Variants in PRKCE observed in about 807,000 individuals in gnomAD.
PRKCE encodes protein kinase C epsilon.
PRKCE carries 16 observed loss-of-function variants against 85.4 expected under a neutral mutation model. The observed-to-expected ratio is 0.19, with a 90% confidence interval of 0.13 to 0.28. PRKCE has a LOEUF of 0.28. Ranked by LOEUF, PRKCE falls within the 10% of genes least tolerant of loss-of-function variation. The pLI is 1.00. For missense variants in PRKCE, 573 were observed against 975.2 expected (o/e 0.59, Z 5.49); for synonymous variants, 388 against 371.5 (o/e 1.04, Z -0.51).
chr2:46,062,115 G>A (rs1160231235), intron 10 of PRKCE, among the ~76,000 whole-genome samples: 1 of 152,016 alleles, frequency 6.6e-6, no homozygotes, highest in Non-Finnish European at 1.5e-5. Flanking sequence ...ACCTGCTTCA[G>A]CCTCCCAAAG....
chr2:45,828,498 GA>G (rs1690140000), intron 1 of PRKCE, among the ~76,000 whole-genome samples: 1 of 152,224 alleles, frequency 6.6e-6, no homozygotes, highest in Non-Finnish European at 1.5e-5. Flanking sequence ...TTACCACTCA[GA>G]ATTGGTGATT....
At chr2:45,660,324 T>G (rs1233357019) in intron 1 of PRKCE, among the ~76,000 whole-genome samples, 1 of 152,190 alleles carries the variant, frequency 6.6e-6, no homozygotes, top group Non-Finnish European at 1.5e-5. Flanking sequence ...CCTGAAGATG[T>G]TCTTATGAGA....
intron 10 of PRKCE, among the ~76,000 whole-genome samples, chr2:46,042,944 T>C (rs1708299129): frequency 6.6e-6 from 1 of 152,218 alleles, no homozygotes; most frequent in African/African-American, 2.4e-5. Context: ...CATTGGCCTC[T>C]GTGTAGCTCC....
chr2:46,032,822 T>C (rs1707620909), intron 10 of PRKCE, among the ~76,000 whole-genome samples: 1 of 152,224 alleles, frequency 6.6e-6, no homozygotes, highest in African/African-American at 2.4e-5. Flanking sequence ...GGTGTGTGCT[T>C]TTGGGATATC....
chr2:45,762,262 A>T (rs1025481553), intron 1 of PRKCE, among the ~76,000 whole-genome samples: 31 of 152,274 alleles, frequency 2.0e-4, no homozygotes, highest in South Asian at 2.1e-4. Context: ...ATTCATTTCT[A>T]TTGGAAGAGA....
intron 1 of PRKCE, among the ~76,000 whole-genome samples, chr2:45,817,429 C>G (rs868050542): frequency 2.0e-5 from 3 of 152,220 alleles, no homozygotes; most frequent in Middle Eastern, 3.4e-3. Flanking sequence ...CGCGGTGGCT[C>G]ACGCTTGTAA....
chr2:45,698,849 A>C (rs1678372614), intron 1 of PRKCE, among the ~76,000 whole-genome samples: 1 of 152,050 alleles, frequency 6.6e-6, no homozygotes, highest in African/African-American at 2.4e-5. Context: ...AGTAGAACAG[A>C]CTTTTGATAT....
At chr2:45,736,847 G>T (rs1328754063) in intron 1 of PRKCE, among the ~76,000 whole-genome samples, 1 of 152,218 alleles carries the variant, frequency 6.6e-6, no homozygotes, top group Non-Finnish European at 1.5e-5. Context: ...CATCCTCAGA[G>T]GCTTCAGAAG....
In PRKCE at chr2:46,049,121, C is replaced by G. The variant is rs373104015; in HGVS notation, c.1438-37087C>G. Among the ~76,000 whole-genome samples, 8 of 152,276 alleles carry G rather than the reference C, an allele frequency of 5.3e-5. No homozygotes were observed. In the South Asian group the frequency reaches 1.2e-3, roughly 24 times the overall value. ...AGAATTGAAAGGCAGGAAGGAGATA[C>G]AAGGTCTGTCTTTCCCCTTCTTGAC... On this transcript the variant is annotated intron_variant, in intron 10 of 14. Transcript: ENST00000306156.
chr2:45,941,077 A>AAAAAAAAAAAAAAAAAAAAAAAAAAAAAG (rs1400927636), intron 2 of PRKCE, among the ~76,000 whole-genome samples: 1 of 150,234 alleles, frequency 6.7e-6, no homozygotes, highest in African/African-American at 2.4e-5. Context: ...AAAAAAAAAA[A>AAAAAAAAAAAAAAAAAAAAAAAAAAAAAG]AAAAAAAAAA....
At chr2:46,008,345 C>T (rs181247318) in intron 9 of PRKCE, among the ~76,000 whole-genome samples, 9 of 152,270 alleles carry the variant, frequency 5.9e-5, no homozygotes, top group East Asian at 1.9e-4. Flanking sequence ...GCCACCATTC[C>T]GATGGCTGGG....
intron 1 of PRKCE, among the ~76,000 whole-genome samples, chr2:45,763,015 G>C (rs746486137): frequency 6.6e-6 from 1 of 150,930 alleles, no homozygotes; most frequent in South Asian, 2.1e-4. Context: ...GCAGTGGCGC[G>C]ATCTCGGCTC....
At chr2:46,100,764 G>T (rs533615894) in intron 11 of PRKCE, among the ~76,000 whole-genome samples, 1 of 152,320 alleles carries the variant, frequency 6.6e-6, no homozygotes, top group Admixed American at 6.5e-5. Context: ...TTTTTGCTGT[G>T]CCAGGTATAG....
intron 14 of PRKCE, among the ~76,000 whole-genome samples, chr2:46,179,751 C>G (rs1185982946): frequency 1.3e-5 from 2 of 152,242 alleles, no homozygotes; most frequent in East Asian, 3.9e-4. Context: ...ATTAATTGGG[C>G]CTAAGCCTAC....
intron 2 of PRKCE, among the ~76,000 whole-genome samples, chr2:45,863,451 C>T (rs1245061601): frequency 6.6e-6 from 1 of 152,110 alleles, no homozygotes; most frequent in East Asian, 1.9e-4. Flanking sequence ...GGACCCCAAA[C>T]AGCTCTACCT....
chr2:45,725,946 G>T (rs762401947), intron 1 of PRKCE, among the ~76,000 whole-genome samples: 1 of 152,158 alleles, frequency 6.6e-6, no homozygotes, highest in Non-Finnish European at 1.5e-5. Flanking sequence ...CCAGCTCCGT[G>T]GATGACTTTG....
At chr2:45,727,599 C>T (rs979356751) in intron 1 of PRKCE, among the ~76,000 whole-genome samples, 1 of 152,196 alleles carries the variant, frequency 6.6e-6, no homozygotes, top group Non-Finnish European at 1.5e-5. Context: ...TAGTTTCTTG[C>T]CATTGCATTG....
At chr2:46,078,780 G>A (rs1258694895) in intron 10 of PRKCE, 1 of 152,136 alleles carries the variant, frequency 6.6e-6, no homozygotes, top group African/African-American at 2.4e-5. Context: ...CACTCACATT[G>A]TTCAAGATTT....
intron 6 of PRKCE, among the ~76,000 whole-genome samples, chr2:45,987,658 A>T (rs536515540): frequency 6.6e-6 from 1 of 151,840 alleles, no homozygotes; most frequent in African/African-American, 2.4e-5. Context: ...TGCACAGCAC[A>T]TCATTATCAC....
Sources: gnomAD v4.1 joint callset for allele counts (sites outside exome capture counted in the v4.1 genomes callset) on GRCh38, gnomAD v4.1.1 for gene constraint, MANE v1.5 for transcripts, NCBI Gene and HGNC (gene_info 2026-07-23, HGNC 2026-07-21) for gene names.